SYN2: variants seen among roughly 807,000 people sequenced by gnomAD.
SYN2 encodes synapsin II, also known as synapsin-2.
A neutral mutation model predicts 50.9 loss-of-function variants in SYN2; 19 were observed. The ratio of observed to expected loss-of-function variants is 0.37; its 90% CI spans 0.26 to 0.55. The LOEUF (loss-of-function observed/expected upper bound fraction) is 0.55. SYN2 is among the 20% of genes least tolerant of loss of function. The pLI is 0.81. For missense variants in SYN2, 587 were observed against 576.4 expected, an observed-to-expected ratio of 1.02 and a Z score of -0.19; for synonymous variants, 255 against 224.9, an observed-to-expected ratio of 1.13 and a Z score of -1.20.
intron 1 of SYN2, among the ~76,000 whole-genome samples, chr3:12,022,644 G>A (rs562038444): frequency 3.3e-5 from 5 of 152,002 alleles, no homozygotes; most frequent in Non-Finnish European, 5.9e-5. Context: ...TCTTGACCTC[G>A]TGATCTACCT....
At chr3:12,184,700 A>G (rs1041426572) in intron 11 of SYN2, 45 of 985,768 alleles carry the variant, frequency 4.6e-5, no homozygotes, top group Non-Finnish European at 5.2e-5. Context: ...AGGAATCCTC[A>G]CCAGTTTGTT....
chr3:12,185,399 C>T (rs1350669730), intron 11 of SYN2: 1 of 985,630 alleles, frequency 1.0e-6, no homozygotes, highest in African/African-American at 1.7e-5. Context: ...TTCAGTCAGG[C>T]TACAGGGTGG....
chr3:12,053,736 G>C (rs755643248), intron 1 of SYN2, among the ~76,000 whole-genome samples: 4 of 151,826 alleles, frequency 2.6e-5, no homozygotes, highest in Non-Finnish European at 5.9e-5. Context: ...CTCAAATTGA[G>C]AATAATTTTT....
chr3:12,066,879 G>A (rs1052921093), intron 1 of SYN2, among the ~76,000 whole-genome samples: 3 of 152,090 alleles, frequency 2.0e-5, no homozygotes, highest in Admixed American at 2.0e-4. Flanking sequence ...ATGGCAGAAG[G>A]GTATCACTTC....
At position 12,145,008 on chromosome 3, in the gene SYN2, G is replaced by T. The variant is rs77784652; in HGVS notation, c.528-671G>T. ...ATCGCGCCACTGCACTCTAGCCTGG[G>T]CAACGGAGCAAGACTTGTCTCAAAA... On this transcript the variant is annotated intron_variant, in intron 3 of 12. Transcript: ENST00000621198. 1.7e-3 allele frequency among the ~76,000 whole-genome samples: 256 copies of T among 152,186 alleles called. 3 individuals carry two copies. In the East Asian group the frequency reaches 0.045, roughly 27 times the overall value.
At chr3:12,184,297 A>G in intron 11 of SYN2, 1 of 985,782 alleles carries the variant, frequency 1.0e-6, no homozygotes, top group Non-Finnish European at 1.2e-6. Context: ...TTGTTTCTTC[A>G]TTGTTGCTGT....
intron 5 of SYN2, chr3:12,156,870 A>T: frequency 1.2e-6 from 2 of 1,614,220 alleles, no homozygotes; most frequent in Non-Finnish European, 1.7e-6. Context: ...CACACCACAG[A>T]GGGAAGAGTC....
chr3:12,074,094 G>A (rs1435290350), intron 1 of SYN2, among the ~76,000 whole-genome samples: 2 of 151,914 alleles, frequency 1.3e-5, no homozygotes, highest in Non-Finnish European at 2.9e-5. Context: ...ATATATAATA[G>A]GCCTCTTTAT....
At chr3:12,119,141 C>A (rs1393524749) in intron 1 of SYN2, among the ~76,000 whole-genome samples, 1 of 152,088 alleles carries the variant, frequency 6.6e-6, no homozygotes. Context: ...TTTAATAGAT[C>A]TGCCTATCTT....
chr3:12,172,766 C>G (rs977032366), intron 10 of SYN2, among the ~76,000 whole-genome samples: 6 of 152,164 alleles, frequency 3.9e-5, no homozygotes, highest in Non-Finnish European at 8.8e-5. Context: ...CTGTGAGTGA[C>G]AAAGACACTC....
intron 1 of SYN2, among the ~76,000 whole-genome samples, chr3:12,112,001 T>C (rs1394664300): frequency 6.6e-6 from 1 of 152,150 alleles, no homozygotes; most frequent in East Asian, 1.9e-4. Flanking sequence ...AGAAACTTCT[T>C]AGGACATTGG....
At chr3:12,025,927 C>G (rs1694249560) in intron 1 of SYN2, among the ~76,000 whole-genome samples, 1 of 152,236 alleles carries the variant, frequency 6.6e-6, no homozygotes, top group Non-Finnish European at 1.5e-5. Context: ...AAAGACTAGC[C>G]AAGCCTCTTG....
chr3:12,004,618 A>T lies in SYN2; in HGVS notation c.67A>T (p.Met23Leu), dbSNP rs777130919. Residue 23 changes from methionine to leucine, a missense_variant, in exon 1 of 13, where the codon ATG becomes TTG. Coordinates refer to ENST00000621198, the MANE Select transcript of SYN2 (RefSeq NM_133625.6). ...CATCGCCAACCTGCCCAACGGCTAC[A>T]TGACCGACCTGCAGCGGCCCGAGCC... ...SFIANLPNGY[M>L]TDLQRPEPQQ... The T allele has an allele frequency of 3.3e-6, 2 of 612,170 alleles. No individual in the cohort carries two copies. Among genetic ancestry groups the T allele is most frequent in the East Asian group, 3.3e-5 (1 of 30,214 alleles). 37.9% of individuals were successfully genotyped at this position (612,170 alleles called of 1,614,324 possible). A position where few individuals can be genotyped will look rare whatever the true frequency, so the allele number is the denominator to read the frequency against.
rs140056413 is a variant in SYN2, at chr3:12,045,897, G to A, written c.377+40969G>A. Among the ~76,000 whole-genome samples, 43 of 152,298 alleles carry A rather than the reference G, an allele frequency of 2.8e-4. No individual in the cohort carries two copies. The East Asian group carries it at 7.1e-3, about 25-fold the overall frequency. On this transcript the variant is annotated intron_variant, in intron 1 of 12. Coordinates refer to ENST00000621198, the MANE Select transcript of SYN2 (RefSeq NM_133625.6). ...TTAAAAAATGAGGCTTGAATTTACA[G>A]CATAGTGTAGTGGGTGAGAAGCATG...
At chr3:12,150,017 A>C (rs953364120) in intron 4 of SYN2, among the ~76,000 whole-genome samples, 1 of 152,242 alleles carries the variant, frequency 6.6e-6, no homozygotes, top group Admixed American at 6.5e-5. Flanking sequence ...AACAAGAATC[A>C]GAAGATTCCA....
At chr3:12,060,048 G>A (rs1022902020) in intron 1 of SYN2, among the ~76,000 whole-genome samples, 1 of 152,160 alleles carries the variant, frequency 6.6e-6, no homozygotes, top group Non-Finnish European at 1.5e-5. Context: ...GGAAAGACAA[G>A]CCAATCTAGG....
intron 1 of SYN2, among the ~76,000 whole-genome samples, chr3:12,072,478 C>T (rs770813694): frequency 1.3e-5 from 2 of 152,086 alleles, no homozygotes; most frequent in African/African-American, 4.8e-5. Context: ...AGCCCTTCAT[C>T]CATTCTGAGT....
At chr3:12,119,095 G>A (rs1180173026) in intron 1 of SYN2, among the ~76,000 whole-genome samples, 2 of 151,988 alleles carry the variant, frequency 1.3e-5, no homozygotes, top group Admixed American at 6.6e-5. Context: ...TTCAGTTCTG[G>A]CTTTCTAACC....
At chr3:12,029,645 A>C (rs1393589935) in intron 1 of SYN2, among the ~76,000 whole-genome samples, 1 of 4,652 alleles carries the variant, frequency 2.1e-4, no homozygotes, top group Non-Finnish European at 2.8e-4. Flanking sequence ...AGCAATTGTG[A>C]ATGGGAGTTC....
Sources: allele counts gnomAD v4.1 joint callset (sites outside exome capture counted in the v4.1 genomes callset), GRCh38; gene constraint gnomAD v4.1.1; transcripts MANE v1.5; gene names NCBI Gene and HGNC (gene_info 2026-07-23, HGNC 2026-07-21).